Variants in KCNIP4 observed in about 807,000 individuals in gnomAD.
The protein encoded by KCNIP4 is Kv channel-interacting protein 4.
Under a neutral mutation model 34.0 loss-of-function variants are expected in KCNIP4, and 12 were observed. That is an observed-to-expected ratio of 0.35 (90% CI 0.23 to 0.57). The LOEUF (loss-of-function observed/expected upper bound fraction) is 0.57, where lower values mean the gene tolerates loss of function less well. Among genes scored for constraint, KCNIP4 ranks in the 20% least tolerant of loss-of-function variants. KCNIP4 has a pLI of 0.83. For synonymous variants in KCNIP4, 124 were observed against 102.2 expected (o/e 1.21, Z -1.29); for missense variants, 238 against 311.7 (o/e 0.76, Z 1.78).
At chr4:21,640,901 T>C (rs1417068233) in intron 1 of KCNIP4, among the ~76,000 whole-genome samples, 2 of 152,220 alleles carry the variant, frequency 1.3e-5, no homozygotes, top group African/African-American at 4.8e-5. Context: ...GACAGGACCA[T>C]ACAGGACAAC....
At chr4:20,766,095 A>G (rs1755382709) in intron 3 of KCNIP4, among the ~76,000 whole-genome samples, 1 of 152,194 alleles carries the variant, frequency 6.6e-6, no homozygotes. Context: ...AGCACTTTTT[A>G]TGTTCCAACC....
intron 3 of KCNIP4, among the ~76,000 whole-genome samples, chr4:20,782,181 C>A (rs2149393317): frequency 6.6e-6 from 1 of 152,268 alleles, no homozygotes; most frequent in Non-Finnish European, 1.5e-5. Context: ...TGTGGCTTTG[C>A]AGGGTACAGC....
intron 1 of KCNIP4, among the ~76,000 whole-genome samples, chr4:21,862,843 C>G (rs1413758716): frequency 6.6e-6 from 1 of 151,984 alleles, no homozygotes; most frequent in East Asian, 1.9e-4. Context: ...CACCTGTAGT[C>G]CCAGCTACTC....
intron 1 of KCNIP4, among the ~76,000 whole-genome samples, chr4:21,635,678 T>G (rs1746091543): frequency 6.6e-6 from 1 of 152,168 alleles, no homozygotes; most frequent in Non-Finnish European, 1.5e-5. Context: ...GGAACACTTT[T>G]ACACTGTTCG....
chr4:21,816,094 T>C (rs1243338629), intron 1 of KCNIP4, among the ~76,000 whole-genome samples: 1 of 152,126 alleles, frequency 6.6e-6, no homozygotes, highest in Non-Finnish European at 1.5e-5. Flanking sequence ...CATTTTTTCT[T>C]ATACAAAATC....
At chr4:20,810,023 T>C (rs1201812433) in intron 3 of KCNIP4, among the ~76,000 whole-genome samples, 1 of 152,176 alleles carries the variant, frequency 6.6e-6, no homozygotes, top group Non-Finnish European at 1.5e-5. Flanking sequence ...ATGAAACCTG[T>C]GTAAACTCAG....
At chr4:21,429,390 A>G (rs907252079) in intron 1 of KCNIP4, among the ~76,000 whole-genome samples, 8 of 152,184 alleles carry the variant, frequency 5.3e-5, no homozygotes, top group African/African-American at 1.9e-4. Context: ...TCACTACTGA[A>G]AAATATCCTG....
intron 1 of KCNIP4, among the ~76,000 whole-genome samples, chr4:21,339,308 A>T (rs895902540): frequency 3.3e-5 from 5 of 152,230 alleles, no homozygotes; most frequent in African/African-American, 1.2e-4. Flanking sequence ...AAATTGTGTG[A>T]ATAAATTTAG....
intron 1 of KCNIP4, among the ~76,000 whole-genome samples, chr4:21,152,534 C>A (rs1464159371): frequency 6.6e-6 from 1 of 150,644 alleles, no homozygotes; most frequent in African/African-American, 2.4e-5. Context: ...ATTTCTAATT[C>A]TTTCCACTTT....
At chr4:21,914,226 C>T (rs1728500345) in intron 1 of KCNIP4, among the ~76,000 whole-genome samples, 6 of 152,034 alleles carry the variant, frequency 3.9e-5, no homozygotes, top group Admixed American at 3.9e-4. Context: ...GAGCATAAGC[C>T]AAAAGATGAT....
intron 1 of KCNIP4, among the ~76,000 whole-genome samples, chr4:20,968,645 GA>G: frequency 6.6e-6 from 1 of 152,026 alleles, no homozygotes; most frequent in East Asian, 1.9e-4. Context: ...GATGAAGCTG[GA>G]AACCATCATT....
At chr4:21,241,160 G>T (rs912092637) in intron 1 of KCNIP4, among the ~76,000 whole-genome samples, 14 of 151,628 alleles carry the variant, frequency 9.2e-5, no homozygotes, top group Non-Finnish European at 2.9e-5. Flanking sequence ...AAAGGAAAAA[G>T]AATTTTCTAT....
At chr4:21,920,093 G>T (rs1047899788) in intron 1 of KCNIP4, among the ~76,000 whole-genome samples, 1 of 152,142 alleles carries the variant, frequency 6.6e-6, no homozygotes, top group African/African-American at 2.4e-5. Context: ...TACCGTTCTT[G>T]AAACTGTTAT....
intron 1 of KCNIP4, among the ~76,000 whole-genome samples, chr4:20,970,683 C>T (rs572428836): frequency 6.8e-4 from 104 of 152,210 alleles, no homozygotes; most frequent in Admixed American, 2.6e-3. Context: ...ATTATCCAGC[C>T]CCAAGTGTTC....
intron 1 of KCNIP4, among the ~76,000 whole-genome samples, chr4:21,012,817 TCA>T (rs1302421381): frequency 6.6e-6 from 1 of 152,234 alleles, no homozygotes; most frequent in Non-Finnish European, 1.5e-5. Flanking sequence ...TCTATGTTTC[TCA>T]CAGTCTTATT....
intron 1 of KCNIP4, among the ~76,000 whole-genome samples, chr4:21,901,780 G>A (rs1283184653): frequency 6.6e-6 from 1 of 151,864 alleles, no homozygotes. Context: ...CATACAAGGG[G>A]TCATTTGAAA....
intron 1 of KCNIP4, among the ~76,000 whole-genome samples, chr4:21,415,152 G>T (rs1724840047): frequency 6.6e-6 from 1 of 151,932 alleles, no homozygotes; most frequent in Non-Finnish European, 1.5e-5. Context: ...TACTCTATTT[G>T]AAGGAGTCTT....
At chr4:21,357,129 C>T (rs1340333338) in intron 1 of KCNIP4, among the ~76,000 whole-genome samples, 1 of 152,132 alleles carries the variant, frequency 6.6e-6, no homozygotes, top group African/African-American at 2.4e-5. Context: ...AAAGCTGAAA[C>T]TGGATCCCTT....
At chr4:21,459,955 T>A (rs1297107213) in intron 1 of KCNIP4, among the ~76,000 whole-genome samples, 2 of 151,798 alleles carry the variant, frequency 1.3e-5, no homozygotes, top group Non-Finnish European at 2.9e-5. Flanking sequence ...CCTTGTAATC[T>A]CCTCTCTACA....
Sources: allele counts gnomAD v4.1 joint callset (sites outside exome capture counted in the v4.1 genomes callset), GRCh38; gene constraint gnomAD v4.1.1; transcripts MANE v1.5; gene names NCBI Gene and HGNC (gene_info 2026-07-23, HGNC 2026-07-21).